Variants in UNC79 observed in about 807,000 individuals in gnomAD.
UNC79 encodes protein unc-79 homolog.
In UNC79, 37 loss-of-function variants were observed where a neutral mutation model predicts 283.1. The observed-to-expected ratio is 0.13, with a 90% CI of 0.10 to 0.17. The LOEUF (loss-of-function observed/expected upper bound fraction) is 0.17, where lower values mean the gene tolerates loss of function less well. Among genes scored for constraint, UNC79 ranks in the 10% least tolerant of loss-of-function variants. The pLI is 1.00. For synonymous variants in UNC79, 1,107 were observed against 1,200.2 expected (o/e 0.92, Z 1.61); for missense variants, 2,272 against 3,211.1 (o/e 0.71, Z 7.07).
chr14:93,623,782 A>G (rs952867205), intron 30 of UNC79, among the ~76,000 whole-genome samples: 2 of 152,114 alleles, frequency 1.3e-5, no homozygotes, highest in Non-Finnish European at 2.9e-5. Flanking sequence ...CATCCCAGCT[A>G]CTCAGGAGGC....
intron 47 of UNC79, among the ~76,000 whole-genome samples, chr14:93,704,157 C>T (rs554891700): frequency 4.6e-5 from 7 of 152,224 alleles, no homozygotes; most frequent in Non-Finnish European, 7.3e-5. Flanking sequence ...CCTTCCAGAT[C>T]GCAGCCAGGC....
At chr14:93,535,871 G>T (rs540073460) in intron 11 of UNC79, among the ~76,000 whole-genome samples, 1 of 152,296 alleles carries the variant, frequency 6.6e-6, no homozygotes, top group East Asian at 1.9e-4. Context: ...GCAGTTGCAA[G>T]CCCATCCAGA....
At chr14:93,467,584 T>C in intron 1 of UNC79, 87 bp from the exon 2 acceptor site, 1 of 1,233,658 alleles carries the variant, frequency 8.1e-7, no homozygotes, top group Non-Finnish European at 1.0e-6. Flanking sequence ...ACTGTATGCC[T>C]AATACATATT....
intron 1 of UNC79, 39 bp from the exon 2 acceptor site, chr14:93,467,628 CTTTT>C (rs398026224): frequency 1.7e-4 from 127 of 762,548 alleles, no homozygotes; most frequent in African/African-American, 3.7e-4. Context: ...TTTCTTCTTC[CTTTT>C]TTTTTTTTTT....
At chr14:93,369,706 C>A (rs748367976) in intron 1 of UNC79, among the ~76,000 whole-genome samples, 5 of 152,134 alleles carry the variant, frequency 3.3e-5, no homozygotes, top group Non-Finnish European at 7.3e-5. Flanking sequence ...TGGTTAGCCA[C>A]GGTAAGTATC....
chr14:93,689,792 C>A (rs149139649), intron 44 of UNC79: 337 of 252,134 alleles, frequency 1.3e-3, no homozygotes, highest in African/African-American at 7.1e-3. Context: ...CCCGGCCCAC[C>A]AGAGAAGAAA....
intron 27 of UNC79, among the ~76,000 whole-genome samples, chr14:93,614,055 A>G (rs1485015700): frequency 1.3e-5 from 2 of 151,844 alleles, no homozygotes; most frequent in African/African-American, 4.8e-5. Context: ...AAAAAAAAAA[A>G]AAAAGAATTG....
Position 93,545,521 on chromosome 14 carries a change from A to C in UNC79, c.1755+2825A>C, listed in dbSNP as rs147885441. Among the ~76,000 whole-genome samples the C allele has an allele frequency of 1.8e-3, 280 of 152,276 alleles. 1 individual carries two copies. Among genetic ancestry groups the C allele is most frequent in the Non-Finnish European group, 2.2e-3 (147 of 68,014 alleles). On this transcript the variant is annotated intron_variant, in intron 14 of 48. Coordinates refer to ENST00000555664, the Ensembl canonical transcript of UNC79. ...CTCCTTGAGGTCTCCCAAATATTCT[A>C]AGTTTCCTAGGAAGTGACCTTTTTT...
chr14:93,368,425 T>C (rs2054376048), intron 1 of UNC79, among the ~76,000 whole-genome samples: 1 of 152,222 alleles, frequency 6.6e-6, no homozygotes, highest in African/African-American at 2.4e-5. Context: ...TTTTACTCTC[T>C]TCTTCTTTGA....
chr14:93,437,435 C>A (rs1408417962), intron 1 of UNC79: 11 of 152,082 alleles, frequency 7.2e-5, no homozygotes, highest in South Asian at 6.2e-4. Flanking sequence ...TATGTGTCAT[C>A]CTTGCGCAAG....
chr14:93,339,371 C>G (rs968261571), intron 1 of UNC79, among the ~76,000 whole-genome samples: 1 of 152,066 alleles, frequency 6.6e-6, no homozygotes, highest in African/African-American at 2.4e-5. Flanking sequence ...GTGATCTCGG[C>G]TCACTGCAAG....
At chr14:93,458,654 T>C (rs1181370903) in intron 1 of UNC79, among the ~76,000 whole-genome samples, 1 of 152,208 alleles carries the variant, frequency 6.6e-6, no homozygotes, top group East Asian at 1.9e-4. Flanking sequence ...AAATTACTTA[T>C]TAGTGTAAAT....
intron 48 of UNC79, among the ~76,000 whole-genome samples, chr14:93,706,365 G>A (rs948729887): frequency 5.9e-5 from 9 of 152,124 alleles, no homozygotes; most frequent in African/African-American, 1.7e-4. Context: ...AGCAGAACCC[G>A]GGCACTTCAC....
exon 27 of UNC79, chr14:93,612,921 C>A (rs2066412796): frequency 1.9e-6 from 3 of 1,614,040 alleles, no homozygotes; most frequent in Admixed American, 1.7e-5. Context: ...AGGATGAAAG[C>A]AGCGCTGAGT....
chr14:93,617,262 C>G lies in UNC79; in HGVS notation c.4182C>G (p.Ile1394Met). The stretch of plus-strand genomic sequence containing the variant: ...CCCTCTGGTCCCTAAAGCCTCACAT[C>G]CGGCAGATGTGGTTGAAGGCCTTGC... The change falls in exon 28 of 49, where the codon ATC becomes ATG. Residue 1394 changes from isoleucine to methionine, a missense_variant. This residue lies in a region of UNC79 where 128 missense variants were observed against 230.3 expected (regional missense o/e 0.56). Transcript: ENST00000555664. This position sits in a 1 kb window ranked among gnomAD's most constrained non-coding sequence, Gnocchi z 4.5. 1 of 1,614,154 alleles carries G rather than the reference C, an allele frequency of 6.2e-7. No individual in the cohort carries two copies. Among genetic ancestry groups the G allele is most frequent in the East Asian group, 2.2e-5 (1 of 44,890 alleles).
intron 30 of UNC79, among the ~76,000 whole-genome samples, chr14:93,626,877 CTG>C (rs2067610998): frequency 6.6e-6 from 1 of 152,106 alleles, no homozygotes; most frequent in Non-Finnish European, 1.5e-5. Flanking sequence ...TTCTTCCAGT[CTG>C]TTATTTCTAA....
downstream of UNC79, chr14:93,707,522 C>T (rs1163031286): frequency 6.6e-6 from 1 of 152,288 alleles, no homozygotes; most frequent in Admixed American, 6.5e-5. Flanking sequence ...TTTTTCAACT[C>T]ATTAGTTCTA....
intron 14 of UNC79, among the ~76,000 whole-genome samples, chr14:93,571,498 C>T (rs1208612815): frequency 3.3e-5 from 5 of 152,058 alleles, no homozygotes; most frequent in African/African-American, 9.7e-5. Context: ...AGTAGAAAAC[C>T]GTGTTCCTCT....
At position 93,474,135 on chromosome 14, in the gene UNC79, T is replaced by G. The variant is rs761179413; in HGVS notation, c.190T>G (p.Leu64Val). 6.5e-7 allele frequency: 1 copy of G among 1,536,074 alleles called. No homozygotes were observed. The highest frequency in any genetic ancestry group is 2.0e-5 in the Admixed American group (1 of 50,996). ...GAAGGAAAACCAAGATGCCTCCAAT[T>G]TGACAGTGCCCATGACCATGTGTCT... The change falls in exon 3 of 49, where the codon TTG becomes GTG. Residue 64 changes from leucine to valine, a missense_variant. Physicochemically the swap from Leu to Val is conservative, Grantham distance 32. Coordinates refer to ENST00000555664, the Ensembl canonical transcript of UNC79. The surrounding 1 kb of genome is among the most constrained non-coding windows in gnomAD (Gnocchi z 4.1).
Sources: gnomAD v4.1 joint callset for allele counts (sites outside exome capture counted in the v4.1 genomes callset) on GRCh38, gnomAD v4.1.1 for gene constraint, gnomAD v4.1.1 regional missense constraint, Gnocchi (gnomAD v3.1) non-coding constraint, MANE v1.5 for transcripts, NCBI Gene and HGNC (gene_info 2026-07-23, HGNC 2026-07-21) for gene names.